TBC1D5: variants seen among roughly 807,000 people sequenced by gnomAD.
TBC1D5 encodes TBC1 domain family, member 5.
A neutral mutation model predicts 100.3 loss-of-function variants in TBC1D5; 75 were observed. That is an observed-to-expected ratio of 0.75 (90% confidence interval 0.62 to 0.91). The LOEUF is 0.91. Ranked by LOEUF, TBC1D5 falls within the 40% of genes least tolerant of loss-of-function variation. TBC1D5 has a pLI of 0.00. For synonymous variants in TBC1D5, 323 were observed against 325.6 expected (o/e 0.99, Z 0.09); for missense variants, 910 against 942.4 (o/e 0.97, Z 0.45).
intron 2 of TBC1D5, among the ~76,000 whole-genome samples, chr3:17,539,075 CAGG>C (rs2096318333): frequency 6.6e-6 from 1 of 152,112 alleles, no homozygotes; most frequent in African/African-American, 2.4e-5. Flanking sequence ...TCCAGCTACT[CAGG>C]AGGCTGATGA....
chr3:17,532,359 G>T (rs2096238367), intron 2 of TBC1D5, among the ~76,000 whole-genome samples: 1 of 152,218 alleles, frequency 6.6e-6, no homozygotes, highest in South Asian at 2.1e-4. Flanking sequence ...AGGATGTAGA[G>T]AAACAGGAAC....
chr3:17,466,220 T>C (rs2095299068), intron 3 of TBC1D5, among the ~76,000 whole-genome samples: 2 of 152,230 alleles, frequency 1.3e-5, no homozygotes, highest in African/African-American at 4.8e-5. Flanking sequence ...AGTATTTTGG[T>C]ATGTCATGAT....
chr3:17,434,073 C>T (rs891942139), intron 3 of TBC1D5, among the ~76,000 whole-genome samples: 3 of 152,306 alleles, frequency 2.0e-5, no homozygotes, highest in Middle Eastern at 3.4e-3. Context: ...GCTCCCCTCC[C>T]GGCTGCCTTC....
chr3:17,333,541 T>C (rs189040821), intron 13 of TBC1D5: 56 of 152,238 alleles, frequency 3.7e-4, no homozygotes, highest in Admixed American at 3.7e-3. Context: ...CGGATATAAC[T>C]GCAGGAACAA....
At chr3:17,466,778 G>C (rs1393894063) in intron 3 of TBC1D5, among the ~76,000 whole-genome samples, 1 of 148,768 alleles carries the variant, frequency 6.7e-6, no homozygotes, top group Non-Finnish European at 1.5e-5. Context: ...TTTTTTTTTA[G>C]TAATTATGTC....
At chr3:17,274,025 AAAAG>A (rs1325049352) in intron 15 of TBC1D5, among the ~76,000 whole-genome samples, 1 of 151,740 alleles carries the variant, frequency 6.6e-6, no homozygotes, top group Non-Finnish European at 1.5e-5. Flanking sequence ...AAAAAAAAAA[AAAAG>A]AAGGAAGAAA....
exon 13 of TBC1D5, chr3:17,372,235 G>A: frequency 6.2e-7 from 1 of 1,608,150 alleles, no homozygotes; most frequent in Non-Finnish European, 8.5e-7. Context: ...GGAGTCATCA[G>A]TGTTTCTTTC....
At chr3:17,591,451 AG>A in intron 2 of TBC1D5, among the ~76,000 whole-genome samples, 1 of 152,122 alleles carries the variant, frequency 6.6e-6, no homozygotes, top group African/African-American at 2.4e-5. Flanking sequence ...GCCTTTTACC[AG>A]GGTAACTGTG....
At chr3:17,314,504 C>A (rs2084422879) in intron 13 of TBC1D5, among the ~76,000 whole-genome samples, 1 of 152,112 alleles carries the variant, frequency 6.6e-6, no homozygotes, top group African/African-American at 2.4e-5. Context: ...AACTCTAGTT[C>A]CCTGCATGCC....
At chr3:17,555,429 G>A (rs1386171390) in intron 2 of TBC1D5, among the ~76,000 whole-genome samples, 1 of 152,150 alleles carries the variant, frequency 6.6e-6, no homozygotes, top group African/African-American at 2.4e-5. Flanking sequence ...AGCAAAGGGG[G>A]CTTCCAGGTC....
Position 17,663,249 on chromosome 3 carries a change from A to G in TBC1D5, c.-100-39336T>C, listed in dbSNP as rs1363774111. 2.9e-5 allele frequency: 4 copies of G among 135,916 alleles called. No homozygotes were observed. The East Asian group carries it at 8.2e-4, about 28-fold the overall frequency. 8.4% of individuals were successfully genotyped at this position (135,916 alleles called of 1,614,324 possible). A position where few individuals can be genotyped will look rare whatever the true frequency, so the allele number is the denominator to read the frequency against. ...TGAAAATTTTTATGTAGAACAATAT[A>G]TATTTGATTACATAAAAATTTATAT... On this transcript the variant is annotated intron_variant, in intron 1 of 21. Transcript: ENST00000253692.
At chr3:17,554,401 C>T (rs1299571779) in intron 2 of TBC1D5, among the ~76,000 whole-genome samples, 8 of 152,176 alleles carry the variant, frequency 5.3e-5, no homozygotes, top group Admixed American at 1.3e-4. Flanking sequence ...AGTGGGGAAG[C>T]TCTCCTGGGG....
chr3:17,741,353 G>A (rs935668817), upstream of TBC1D5, among the ~76,000 whole-genome samples: 4 of 152,254 alleles, frequency 2.6e-5, no homozygotes, highest in Admixed American at 6.5e-5. Context: ...ACCAAGACAC[G>A]GAATCAGAAA....
intron 3 of TBC1D5, among the ~76,000 whole-genome samples, chr3:17,439,856 A>G (rs2094612002): frequency 6.6e-6 from 1 of 152,226 alleles, no homozygotes; most frequent in African/African-American, 2.4e-5. Context: ...GATTATTAAA[A>G]ATATCATTCA....
intron 3 of TBC1D5, among the ~76,000 whole-genome samples, chr3:17,454,770 T>C (rs2149782844): frequency 6.6e-6 from 1 of 152,258 alleles, no homozygotes; most frequent in South Asian, 2.1e-4. Flanking sequence ...CAAAAATCAG[T>C]AGCATTTCTA....
At chr3:17,675,937 C>T (rs1031775427) in intron 1 of TBC1D5, among the ~76,000 whole-genome samples, 2 of 152,052 alleles carry the variant, frequency 1.3e-5, no homozygotes, top group Admixed American at 6.6e-5. Flanking sequence ...TTGTTATACT[C>T]TCCTTAACAC....
intron 3 of TBC1D5, among the ~76,000 whole-genome samples, chr3:17,489,203 AAGT>A (rs2095608106): frequency 1.3e-5 from 2 of 152,134 alleles, no homozygotes; most frequent in South Asian, 4.1e-4. Flanking sequence ...GCAACTAAGC[AAGT>A]AGTAGTTTGC....
intron 3 of TBC1D5, among the ~76,000 whole-genome samples, chr3:17,430,426 A>T (rs2149389544): frequency 6.6e-6 from 1 of 151,986 alleles, no homozygotes; most frequent in Admixed American, 6.5e-5. Flanking sequence ...GTTTTATCAT[A>T]TTATAAAGGT....
chr3:17,436,079 T>C (rs977877455), intron 3 of TBC1D5, among the ~76,000 whole-genome samples: 6 of 152,220 alleles, frequency 3.9e-5, no homozygotes, highest in African/African-American at 1.4e-4. Context: ...CTGTTTGAAG[T>C]ATTTCCAGGA....
Sources: gnomAD v4.1 joint callset for allele counts (sites outside exome capture counted in the v4.1 genomes callset) on GRCh38, gnomAD v4.1.1 for gene constraint, MANE v1.5 for transcripts, NCBI Gene and HGNC (gene_info 2026-07-23, HGNC 2026-07-21) for gene names.